The following TMPRSS2 variants were observed in gnomAD, a reference collection of about 807,000 sequenced individuals.
The protein encoded by TMPRSS2 is transmembrane serine protease 2, also known as transmembrane protease serine 2.
TMPRSS2 carries 59 observed loss-of-function variants against 67.4 expected under a neutral mutation model. The observed-to-expected ratio is 0.88, with a 90% CI of 0.71 to 1.09. The LOEUF (loss-of-function observed/expected upper bound fraction) is 1.09. Ranked by LOEUF, TMPRSS2 falls within the 50% of genes least tolerant of loss-of-function variation. The pLI, the probability that TMPRSS2 is intolerant of heterozygous loss-of-function variation, is 0.00. For missense variants in TMPRSS2, 668 were observed against 642.7 expected, an observed-to-expected ratio of 1.04 and a Z score of -0.43; for synonymous variants, 257 against 257.0, an observed-to-expected ratio of 1.00 and a Z score of 0.00.
intron 1 of TMPRSS2, chr21:41,506,465 G>A (rs549199108): frequency 3.3e-5 from 5 of 152,304 alleles, no homozygotes; most frequent in Non-Finnish European, 7.3e-5. Flanking sequence ...GTTCTGTAGC[G>A]GAGCAGGGCA....
chr21:41,503,804 A>G (rs950962461), intron 1 of TMPRSS2, among the ~76,000 whole-genome samples: 2 of 152,208 alleles, frequency 1.3e-5, no homozygotes, highest in Non-Finnish European at 2.9e-5. Flanking sequence ...GATCTTTCAT[A>G]TTACTCCCAA....
intron 2 of TMPRSS2, among the ~76,000 whole-genome samples, chr21:41,496,020 G>A (rs1459070395): frequency 1.3e-5 from 2 of 151,942 alleles, no homozygotes; most frequent in African/African-American, 4.8e-5. Context: ...CCAAAATCCT[G>A]TACTTTTAGT....
intron 7 of TMPRSS2, among the ~76,000 whole-genome samples, chr21:41,476,989 T>C (rs527811791): frequency 6.6e-6 from 1 of 152,364 alleles, no homozygotes; most frequent in South Asian, 2.1e-4. Context: ...TGGAAACCTC[T>C]GGGCTCCTAT....
At position 41,494,474 on chromosome 21, in the gene TMPRSS2, A is replaced by G. The variant is rs2146483791; in HGVS notation, c.120T>C (p.His40=). The G allele has an allele frequency of 6.2e-7, 1 of 1,614,102 alleles. No homozygotes were observed. Among genetic ancestry groups the G allele is most frequent in the Non-Finnish European group, 8.5e-7 (1 of 1,179,994 alleles). The part of the protein sequence containing the change: ...PTVVPTVYEV[H]PAQYYPSPVP... The stretch of plus-strand genomic sequence containing the variant: ...CGGGGGACGGGTAGTACTGAGCCGG[A>G]TGCACCTCGTAGACAGTGGGGACCA... Residue 40 remains histidine (H), a synonymous_variant, in exon 3 of 14, where the codon CAT becomes CAC. Transcript: ENST00000332149.
chr21:41,476,151 C>T (rs1001417980), intron 8 of TMPRSS2, among the ~76,000 whole-genome samples: 5 of 152,170 alleles, frequency 3.3e-5, no homozygotes, highest in African/African-American at 1.2e-4. Flanking sequence ...TCCCTCCTCC[C>T]GGGTCCCACT....
intron 1 of TMPRSS2, among the ~76,000 whole-genome samples, chr21:41,498,450 A>G (rs2091401307): frequency 6.6e-6 from 1 of 152,140 alleles, no homozygotes; most frequent in Non-Finnish European, 1.5e-5. Context: ...GATGGGGTGC[A>G]ATTGTAAGTG....
chr21:41,467,978 G>T, intron 12 of TMPRSS2, 92 bp from the exon 13 acceptor site: 2 of 1,443,956 alleles, frequency 1.4e-6, no homozygotes, highest in Non-Finnish European at 1.9e-6. Context: ...GGGGGCGGGG[G>T]TCGCAGTGTG....
chr21:41,493,465 C>T (rs1401052211), intron 3 of TMPRSS2, among the ~76,000 whole-genome samples: 4 of 152,154 alleles, frequency 2.6e-5, no homozygotes, highest in Non-Finnish European at 1.5e-5. Context: ...GCATTAATCA[C>T]GTTGATGACT....
chr21:41,488,520 G>A lies in TMPRSS2; in HGVS notation c.326-7C>T. 6.2e-7 allele frequency: 1 copy of A among 1,610,232 alleles called. No individual in the cohort carries two copies. The highest frequency in any genetic ancestry group is 8.5e-7 in the Non-Finnish European group (1 of 1,177,650). On this transcript the variant is annotated splice_region_variant and splice_polypyrimidine_tract_variant and intron_variant, in intron 4 of 13. Transcript: ENST00000332149. ...TTGGAGCACTTGCTGCCCACTTGCA[G>A]AGAAAACAGAAGAGAGGTGCCCTTC...
At chr21:41,497,719 C>A (rs1451003813) in intron 2 of TMPRSS2, among the ~76,000 whole-genome samples, 1 of 152,204 alleles carries the variant, frequency 6.6e-6, no homozygotes, top group Non-Finnish European at 1.5e-5. Context: ...CCGCCCATGC[C>A]TCATGCAGTT....
At chr21:41,496,130 T>A (rs1275943196) in intron 2 of TMPRSS2, among the ~76,000 whole-genome samples, 1 of 152,212 alleles carries the variant, frequency 6.6e-6, no homozygotes, top group Non-Finnish European at 1.5e-5. Flanking sequence ...AGAACTCAGC[T>A]GCCGCCAGGC....
chr21:41,471,860 T>A lies in TMPRSS2; in HGVS notation c.1021A>T (p.Thr341Ser). Residue 341 changes from threonine (T) to serine (S), a missense_variant, in exon 10 of 14, where the codon ACC (threonine) becomes TCC (serine). Coordinates refer to ENST00000332149, the MANE Select transcript of TMPRSS2 (RefSeq NM_005656.4). ...ATCAGCGCAATGTCATTGTTCTTGG[T>A]CTTGGAGTCATAATTTGGATGAGAA... The part of the protein sequence containing the change: ...VISHPNYDSK[T>S]KNNDIALMKL... 1 of 1,613,620 alleles carries A rather than the reference T, an allele frequency of 6.2e-7. No individual in the cohort carries two copies. The highest frequency in any genetic ancestry group is 8.5e-7 in the Non-Finnish European group (1 of 1,179,796).
intron 1 of TMPRSS2, among the ~76,000 whole-genome samples, chr21:41,501,539 G>A (rs2091423527): frequency 6.9e-6 from 1 of 145,394 alleles, no homozygotes; most frequent in South Asian, 2.2e-4. Flanking sequence ...AACCTGGGAG[G>A]CAGAGGTTGC....
At chr21:41,507,469 C>T (rs1007109725) in intron 1 of TMPRSS2, among the ~76,000 whole-genome samples, 1 of 152,182 alleles carries the variant, frequency 6.6e-6, no homozygotes, top group South Asian at 2.1e-4. Flanking sequence ...ACTGACTGGC[C>T]GTTCGCACCT....
At chr21:41,482,369 G>A (rs542577849) in intron 5 of TMPRSS2, among the ~76,000 whole-genome samples, 1 of 152,316 alleles carries the variant, frequency 6.6e-6, no homozygotes. Flanking sequence ...GGGTTAAGCA[G>A]AGCATCATGA....
intron 11 of TMPRSS2, among the ~76,000 whole-genome samples, chr21:41,469,933 T>C (rs1373963503): frequency 3.9e-5 from 6 of 152,192 alleles, no homozygotes; most frequent in Admixed American, 2.0e-4. Flanking sequence ...GTGGCTCTAC[T>C]GTAGTAAGTT....
intron 5 of TMPRSS2, among the ~76,000 whole-genome samples, chr21:41,484,051 C>T (rs1569019364): frequency 1.3e-5 from 2 of 151,976 alleles, no homozygotes; most frequent in Non-Finnish European, 2.9e-5. Context: ...CCCAGGAGGT[C>T]GAGGCTGCAA....
Position 41,467,995 on chromosome 21 carries a change from G to T in TMPRSS2, c.1315-109C>A. Reference sequence around the variant, plus strand: ...GGGCGGGGGTCGCAGTGTGAGTTACGAGTGACTGTGTGGGCTTCGAATCTC... The same window carrying T: ...GGGCGGGGGTCGCAGTGTGAGTTACTAGTGACTGTGTGGGCTTCGAATCTC... On this transcript the variant is annotated intron_variant, in intron 12 of 13. Transcript: ENST00000332149. 4.9e-6 allele frequency: 6 copies of T among 1,217,382 alleles called. No homozygotes were observed. The South Asian group carries it at 5.5e-5, about 11-fold the overall frequency. The allele number at this position is 1,217,382 out of a possible 1,614,324, so 75.4% of individuals were successfully genotyped here.
At chr21:41,506,069 T>C (rs910513461) in intron 1 of TMPRSS2, among the ~76,000 whole-genome samples, 4 of 152,194 alleles carry the variant, frequency 2.6e-5, no homozygotes, top group African/African-American at 9.7e-5. Context: ...TGGTTATTAT[T>C]ATAATGCCAG....
Sources: allele counts gnomAD v4.1 joint callset (sites outside exome capture counted in the v4.1 genomes callset), GRCh38; gene constraint gnomAD v4.1.1; transcripts MANE v1.5; gene names NCBI Gene and HGNC (gene_info 2026-07-23, HGNC 2026-07-21).